The following RNASEH2B variants were observed in gnomAD, a reference collection of about 807,000 sequenced individuals.
RNASEH2B encodes ribonuclease H2 subunit B, also known as Aicardi-Goutieres syndrome 2 protein.
RNASEH2B carries 36 observed loss-of-function variants against 45.0 expected under a neutral mutation model. The ratio of observed to expected loss-of-function variants is 0.80; its 90% confidence interval spans 0.61 to 1.06. The LOEUF is 1.06. RNASEH2B is among the 50% of genes least tolerant of loss of function. The pLI is 0.00. For synonymous variants in RNASEH2B, 119 were observed against 125.7 expected, an observed-to-expected ratio of 0.95 and a Z score of 0.35; for missense variants, 361 against 360.3, an observed-to-expected ratio of 1.00 and a Z score of -0.02.
chr13:50,954,157 T>G, intron 10 of RNASEH2B, 172 bp downstream of exon 10: 1 of 664,426 alleles, frequency 1.5e-6, no homozygotes, highest in East Asian at 2.7e-5. Context: ...ATGAAAATGT[T>G]AAGCAACTAA....
chr13:50,932,950 A>G (rs577676946), intron 4 of RNASEH2B, among the ~76,000 whole-genome samples: 1 of 152,298 alleles, frequency 6.6e-6, no homozygotes, highest in Non-Finnish European at 1.5e-5. Context: ...TTCACTGTGA[A>G]TTAGTGAAGT....
At chr13:50,968,306 G>A (rs77907256) in intron 9 of RNASEH2B, among the ~76,000 whole-genome samples, 17,539 of 152,070 alleles carry the variant, frequency 0.12, 1,175 homozygotes, top group African/African-American at 0.18. Context: ...AGGCTGAGGA[G>A]GGAGAATTGC....
At chr13:50,970,146 G>A (rs1345698769) in exon 10 of RNASEH2B, 1 of 675,236 alleles carries the variant, frequency 1.5e-6, no homozygotes, top group East Asian at 2.7e-5. Flanking sequence ...GTGGGCAGCG[G>A]CATTCCTCCC....
At chr13:50,947,890 A>G (rs1951924727) in intron 7 of RNASEH2B, 97 bp from the exon 8 acceptor site, 26 of 1,582,528 alleles carry the variant, frequency 1.6e-5, no homozygotes, top group Non-Finnish European at 2.2e-5. Flanking sequence ...CTTTATCCAG[A>G]TAGGGTCAGA....
intron 9 of RNASEH2B, among the ~76,000 whole-genome samples, chr13:50,963,535 T>C (rs1436633106): frequency 6.6e-6 from 1 of 152,200 alleles, no homozygotes; most frequent in African/African-American, 2.4e-5. Flanking sequence ...TCTGTTCTTA[T>C]TATGCTTGCA....
intron 6 of RNASEH2B, 37 bp from the exon 7 acceptor site, chr13:50,945,390 A>G: frequency 6.9e-7 from 1 of 1,442,432 alleles, no homozygotes; most frequent in South Asian, 1.1e-5. Context: ...AGTTAAGTTG[A>G]AAATACCCTG....
chr13:50,951,045 A>T (rs1291948516), intron 9 of RNASEH2B: 2 of 152,234 alleles, frequency 1.3e-5, no homozygotes, highest in African/African-American at 2.4e-5. Context: ...TTCCAGTAAA[A>T]CTTCATTTAT....
intron 7 of RNASEH2B, among the ~76,000 whole-genome samples, chr13:50,946,297 C>T (rs1210141246): frequency 1.3e-5 from 2 of 152,126 alleles, no homozygotes; most frequent in South Asian, 2.1e-4. Flanking sequence ...TCATTGTTCC[C>T]TTATTCAGGG....
chr13:50,947,887 C>G lies in RNASEH2B; in HGVS notation c.617-100C>G, dbSNP rs780759852. 4.4e-6 allele frequency: 7 copies of G among 1,577,166 alleles called. No homozygotes were observed. The East Asian group carries it at 6.8e-5, about 15-fold the overall frequency. ...AGAGCTTAAGTGAGTTCCCTTTATC[C>G]AGATAGGGTCAGAATTTGAATTCAG... On this transcript the variant is annotated intron_variant, in intron 7 of 10. Coordinates refer to ENST00000336617, the MANE Select transcript of RNASEH2B (RefSeq NM_024570.4).
intron 1 of RNASEH2B, 132 bp downstream of exon 1, chr13:50,910,272 C>G (rs1566071379): frequency 1.8e-6 from 1 of 557,800 alleles, no homozygotes; most frequent in Non-Finnish European, 2.8e-6. Flanking sequence ...CTCTCTGGGA[C>G]AGCTGGCCCC....
chr13:50,967,482 G>T (rs1340237374), intron 9 of RNASEH2B, among the ~76,000 whole-genome samples: 1 of 152,166 alleles, frequency 6.6e-6, no homozygotes, highest in Admixed American at 6.5e-5. Context: ...CTTTCCAGGA[G>T]CCATATGGCA....
intron 4 of RNASEH2B, among the ~76,000 whole-genome samples, chr13:50,931,469 A>C (rs1951680205): frequency 1.3e-5 from 2 of 152,244 alleles, no homozygotes; most frequent in African/African-American, 2.4e-5. Flanking sequence ...AACATAAATA[A>C]CACATTTTTA....
intron 9 of RNASEH2B, among the ~76,000 whole-genome samples, chr13:50,967,327 A>T (rs1952175226): frequency 6.6e-6 from 1 of 152,154 alleles, no homozygotes; most frequent in Admixed American, 6.6e-5. Context: ...GTATATGTAT[A>T]TTTCTTTTCT....
chr13:50,939,921 A>G (rs896605052), intron 5 of RNASEH2B, among the ~76,000 whole-genome samples: 4 of 152,244 alleles, frequency 2.6e-5, no homozygotes, highest in East Asian at 3.8e-4. Context: ...TATTTTATCA[A>G]AAGTATTCTC....
intron 1 of RNASEH2B, chr13:50,915,323 C>A (rs569581046): frequency 2.5e-6 from 1 of 397,930 alleles, no homozygotes. Flanking sequence ...TGCTCCAGCT[C>A]AGCTTCTCCG....
chr13:50,952,227 T>A (rs1951985347), intron 9 of RNASEH2B: 1 of 152,204 alleles, frequency 6.6e-6, no homozygotes, highest in Admixed American at 6.5e-5. Context: ...GTTAGGAACA[T>A]TTTGCCATAG....
intron 5 of RNASEH2B, chr13:50,940,887 C>T (rs1951825343): frequency 6.6e-6 from 1 of 152,096 alleles, no homozygotes; most frequent in East Asian, 1.9e-4. Flanking sequence ...AAAGTGCAGA[C>T]CTAGTGATCT....
chr13:50,938,138 A>T (rs1389842866), intron 5 of RNASEH2B: 3 of 152,254 alleles, frequency 2.0e-5, no homozygotes, highest in Non-Finnish European at 4.4e-5. Context: ...GACATTGAAC[A>T]ATTGGATAAT....
At chr13:50,920,332 G>A (rs545004061) in intron 1 of RNASEH2B, among the ~76,000 whole-genome samples, 1 of 152,310 alleles carries the variant, frequency 6.6e-6, no homozygotes, top group Non-Finnish European at 1.5e-5. Flanking sequence ...ACAAGTGTGA[G>A]CCACCGTGCC....
Sources: allele counts gnomAD v4.1 joint callset (sites outside exome capture counted in the v4.1 genomes callset), GRCh38; gene constraint gnomAD v4.1.1; transcripts MANE v1.5; gene names NCBI Gene and HGNC (gene_info 2026-07-23, HGNC 2026-07-21).